Variants in RSF1 observed in about 807,000 individuals in gnomAD.
RSF1 encodes remodeling and spacing factor 1, also known as HBV pX-associated protein 8.
RSF1 carries 13 observed loss-of-function variants against 145.2 expected under a neutral mutation model. That is an observed-to-expected ratio of 0.09 (90% CI 0.06 to 0.14). RSF1 has a LOEUF of 0.14. Ranked by LOEUF, RSF1 falls within the 10% of genes least tolerant of loss-of-function variation. RSF1 has a pLI of 1.00. For synonymous variants in RSF1, 577 were observed against 592.6 expected (o/e 0.97, Z 0.38); for missense variants, 1,517 against 1,718.2 (o/e 0.88, Z 2.07).
At chr11:77,824,802 C>T (rs1369119094), upstream of RSF1, among the ~76,000 whole-genome samples, 1 of 152,188 alleles carries the variant, frequency 6.6e-6, no homozygotes, top group East Asian at 1.9e-4. Flanking sequence ...ATTCATTGAA[C>T]TCTATAAACA....
In RSF1 at chr11:77,701,804, A is replaced by C. The variant is rs533364849; in HGVS notation, c.1425T>G (p.Ser475=). Residue 475 remains serine, a synonymous_variant, in exon 6 of 16, where the codon TCT becomes TCG. Transcript: ENST00000308488. ...CCTCCGTGATGATATTTCTGTCCTT[A>C]GAGGGGCTATAGCTCTCTTCCTTTG... is the stretch of plus-strand genomic sequence containing the variant. ...YETKEESYSP[S]KDRNIITEGN... 59 of 1,614,052 alleles carry C rather than the reference A, an allele frequency of 3.7e-5. No individual in the cohort carries two copies. The South Asian group carries it at 6.1e-4, about 17-fold the overall frequency.
chr11:77,787,420 A>G (rs1948468003), intron 1 of RSF1, among the ~76,000 whole-genome samples: 1 of 152,222 alleles, frequency 6.6e-6, no homozygotes, highest in South Asian at 2.1e-4. Flanking sequence ...TTAAAACTAC[A>G]TAAAATTTAA....
Position 77,789,878 on chromosome 11 carries a change from C to T in RSF1, c.188-25189G>A, listed in dbSNP as rs755058244. Among the ~76,000 whole-genome samples, 248 of 152,324 alleles carry T rather than the reference C, an allele frequency of 1.6e-3. 6 individuals are homozygous for T. The highest frequency in any genetic ancestry group is 5.0e-4 in the Non-Finnish European group (34 of 68,030). Reference sequence around the variant, plus strand: ...GTTGGTATGTGAGCACACCTCCCAGCGGCCTGAGGTTGGGCCTGTCTACCC... The same window carrying T: ...GTTGGTATGTGAGCACACCTCCCAGTGGCCTGAGGTTGGGCCTGTCTACCC... On this transcript the variant is annotated intron_variant, in intron 1 of 15. Transcript: ENST00000308488.
At chr11:77,788,111 T>C (rs1948476429) in intron 1 of RSF1, among the ~76,000 whole-genome samples, 2 of 108,978 alleles carry the variant, frequency 1.8e-5, no homozygotes, top group South Asian at 3.1e-4. Flanking sequence ...CACTGTAGTC[T>C]AACCTGGGCA....
intron 5 of RSF1, among the ~76,000 whole-genome samples, chr11:77,719,701 A>G (rs1192363249): frequency 2.6e-5 from 4 of 152,276 alleles, no homozygotes; most frequent in Non-Finnish European, 5.9e-5. Flanking sequence ...CCAAATGTCC[A>G]TCAAGTGAAC....
Position 77,664,691 on chromosome 11 carries a change from G to C in RSF1, c.*2226C>G, listed in dbSNP as rs531394634. ...GACTGGGTGGCAGGAAAGGGCACTTGTATATTCAAACCACTTACCTTGCAC... is the reference window on the plus strand; with the variant it reads ...GACTGGGTGGCAGGAAAGGGCACTTCTATATTCAAACCACTTACCTTGCAC... On this transcript the variant is annotated 3_prime_UTR_variant, in exon 16 of 16. Transcript: ENST00000308488. 1.3e-5 allele frequency: 2 copies of C among 152,162 alleles called. No homozygotes were observed. The highest frequency in any genetic ancestry group is 2.9e-5 in the Non-Finnish European group (2 of 68,030). 9.4% of individuals were successfully genotyped at this position (152,162 alleles called of 1,614,324 possible).
At chr11:77,842,545 A>G in the RSF1 span, 4 of 1,613,956 alleles carry the variant, frequency 2.5e-6, no homozygotes, top group African/African-American at 4.0e-5. Context: ...AATGAAAGTA[A>G]AAGGCTCTAA....
chr11:77,834,873 A>T, the RSF1 span, among the ~76,000 whole-genome samples: 2 of 152,208 alleles, frequency 1.3e-5, no homozygotes, highest in South Asian at 4.1e-4. Context: ...TTACCACTCA[A>T]ACTGTAACAT....
chr11:77,793,640 T>C (rs1948542579), intron 1 of RSF1, among the ~76,000 whole-genome samples: 1 of 152,124 alleles, frequency 6.6e-6, no homozygotes, highest in Non-Finnish European at 1.5e-5. Flanking sequence ...ATATCAGATA[T>C]GGATGTGAGG....
At chr11:77,818,309 G>A (rs1041786997) in intron 1 of RSF1, among the ~76,000 whole-genome samples, 2 of 151,948 alleles carry the variant, frequency 1.3e-5, no homozygotes, top group African/African-American at 2.4e-5. Flanking sequence ...AAAATACCAC[G>A]CCATCCCAGA....
intron 3 of RSF1, among the ~76,000 whole-genome samples, chr11:77,746,362 C>T (rs976752019): frequency 2.6e-5 from 4 of 152,154 alleles, no homozygotes; most frequent in Non-Finnish European, 2.9e-5. Context: ...ATAGTCTTAT[C>T]TAGCTCCAAA....
chr11:77,865,646 A>G, the RSF1 span, among the ~76,000 whole-genome samples: 1 of 152,252 alleles, frequency 6.6e-6, no homozygotes, highest in Non-Finnish European at 1.5e-5. Flanking sequence ...GGATTTTGAA[A>G]GAACAACTAG....
chr11:77,800,786 C>T (rs1037428979), intron 1 of RSF1, among the ~76,000 whole-genome samples: 4 of 152,140 alleles, frequency 2.6e-5, no homozygotes, highest in African/African-American at 9.7e-5. Flanking sequence ...AGCTTGAGCC[C>T]AAGACTTCAA....
chr11:77,740,013 GAATA>G (rs1961469685), intron 4 of RSF1, among the ~76,000 whole-genome samples: 1 of 152,186 alleles, frequency 6.6e-6, no homozygotes, highest in African/African-American at 2.4e-5. Flanking sequence ...ACAGCAAATA[GAATA>G]TATACTGTGT....
intron 1 of RSF1, among the ~76,000 whole-genome samples, chr11:77,784,245 G>C (rs559071491): frequency 6.6e-6 from 1 of 152,230 alleles, no homozygotes; most frequent in South Asian, 2.1e-4. Flanking sequence ...ATGTCTTCAA[G>C]TTCACTAGTT....
chr11:77,800,102 TC>T (rs1363218071), intron 1 of RSF1, among the ~76,000 whole-genome samples: 1 of 152,086 alleles, frequency 6.6e-6, no homozygotes, highest in Admixed American at 6.6e-5. Context: ...CTACGATTGC[TC>T]CCGTGAATAG....
At chr11:77,686,303 A>G (rs889174373) in intron 9 of RSF1, among the ~76,000 whole-genome samples, 2 of 149,882 alleles carry the variant, frequency 1.3e-5, no homozygotes, top group Admixed American at 6.7e-5. Context: ...AGCTACTCAG[A>G]AGGCTGAGAT....
chr11:77,675,589 A>G (rs1959680032), intron 13 of RSF1, among the ~76,000 whole-genome samples: 1 of 152,210 alleles, frequency 6.6e-6, no homozygotes, highest in African/African-American at 2.4e-5. Context: ...ATTTGGCACC[A>G]TCACTCATCC....
At chr11:77,825,003 CAG>C (rs1455158482), upstream of RSF1, among the ~76,000 whole-genome samples, 1 of 151,980 alleles carries the variant, frequency 6.6e-6, no homozygotes, top group African/African-American at 2.4e-5. Flanking sequence ...CTTTTTGAGA[CAG>C]AGTCTCACTC....
Sources: gnomAD v4.1 joint callset for allele counts (sites outside exome capture counted in the v4.1 genomes callset) on GRCh38, gnomAD v4.1.1 for gene constraint, MANE v1.5 for transcripts, NCBI Gene and HGNC (gene_info 2026-07-23, HGNC 2026-07-21) for gene names.